TFB1M: variants seen among roughly 807,000 people sequenced by gnomAD.
The protein encoded by TFB1M is transcription factor B1, mitochondrial, also known as dimethyladenosine transferase 1, mitochondrial.
Under a neutral mutation model 31.1 loss-of-function variants are expected in TFB1M, and 27 were observed. That is an observed-to-expected ratio of 0.87 (90% CI 0.64 to 1.20). TFB1M has a LOEUF of 1.20. Ranked by LOEUF, TFB1M falls within the 50% of genes most tolerant of loss-of-function variation. The probability of loss-of-function intolerance (pLI) is 0.00; values close to 1 mark genes in which losing one functional copy is unlikely to be tolerated. For synonymous variants in TFB1M, 166 were observed against 151.8 expected, an observed-to-expected ratio of 1.09 and a Z score of -0.69; for missense variants, 394 against 418.7, an observed-to-expected ratio of 0.94 and a Z score of 0.51.
chr6:155,273,036 A>ATTTCT, intron 5 of TFB1M, among the ~76,000 whole-genome samples: 1 of 152,352 alleles, frequency 6.6e-6, no homozygotes. Context: ...ATGTTCCAGC[A>ATTTCT]ACCCCACACT....
Position 155,297,019 on chromosome 6 carries a change from A to G in TFB1M, c.480T>C (p.Cys160=). Residue 160 remains cysteine, a synonymous_variant, in exon 4 of 7, where the codon TGT becomes TGC. Coordinates refer to ENST00000367166, the MANE Select transcript of TFB1M (RefSeq NM_016020.4). ...TGCCATAAACAAAAGGTCCATCTCT[A>G]CAGGAAATATTTTCAAGCCACTTGA... ...LIIKWLENIS[C]RDGPFVYGRT... 6.2e-7 allele frequency: 1 copy of G among 1,613,944 alleles called. No homozygotes were observed. Among genetic ancestry groups the G allele is most frequent in the South Asian group, 1.1e-5 (1 of 91,070 alleles).
the TFB1M span, chr6:155,250,626 T>A: frequency 6.5e-7 from 1 of 1,535,918 alleles, no homozygotes; most frequent in South Asian, 1.2e-5. Flanking sequence ...CGGACACTGG[T>A]AGAGTTCATC....
chr6:155,276,156 A>G (rs1785197493), intron 5 of TFB1M: 1 of 1,613,986 alleles, frequency 6.2e-7, no homozygotes, highest in African/African-American at 1.3e-5. Flanking sequence ...ATCATAGCAA[A>G]CTTTCTGGAT....
At chr6:155,274,678 T>G (rs528714449) in intron 5 of TFB1M, among the ~76,000 whole-genome samples, 1 of 152,220 alleles carries the variant, frequency 6.6e-6, no homozygotes, top group Admixed American at 6.5e-5. Context: ...AGTCAGGATT[T>G]TGCAAACAGG....
At chr6:155,262,179 T>C (rs1467975963) in intron 5 of TFB1M, among the ~76,000 whole-genome samples, 2 of 151,982 alleles carry the variant, frequency 1.3e-5, no homozygotes, top group Admixed American at 1.3e-4. Context: ...TGTACTGCTA[T>C]AGGGAGAGAA....
At chr6:155,238,443 T>C in the TFB1M span, among the ~76,000 whole-genome samples, 1 of 152,356 alleles carries the variant, frequency 6.6e-6, no homozygotes, top group East Asian at 1.9e-4. Context: ...TTTTCAGTTA[T>C]GTTTTCAGCA....
rs324351 is a variant in TFB1M, at chr6:155,282,586, C to T, written c.666+2572G>A. Among the ~76,000 whole-genome samples the T allele has an allele frequency of 9.8e-4, 149 of 152,248 alleles. 1 individual carries two copies. Among genetic ancestry groups the T allele is most frequent in the Non-Finnish European group, 1.1e-3 (76 of 67,994 alleles). Reference sequence around the variant, plus strand: ...GAATCTGCCCAACCTCTATTTTTAGCGCTTAGCTTATCTTACCTTGTGTTG... The same window carrying T: ...GAATCTGCCCAACCTCTATTTTTAGTGCTTAGCTTATCTTACCTTGTGTTG... On this transcript the variant is annotated intron_variant, in intron 5 of 6. Transcript: ENST00000367166.
intron 5 of TFB1M, among the ~76,000 whole-genome samples, chr6:155,273,545 T>G (rs1288741828): frequency 6.6e-6 from 1 of 152,214 alleles, no homozygotes; most frequent in African/African-American, 2.4e-5. Context: ...TAACATCCTC[T>G]ACAGTCCTTT....
At chr6:155,234,003 T>C in the TFB1M span, among the ~76,000 whole-genome samples, 193 of 147,364 alleles carry the variant, frequency 1.3e-3, no homozygotes, top group African/African-American at 2.3e-3. Flanking sequence ...AAATTTTTTT[T>C]GGGGGGGGGT....
At chr6:155,255,495 C>T (rs376953752), downstream of TFB1M, 3 of 152,156 alleles carry the variant, frequency 2.0e-5, no homozygotes, top group South Asian at 6.2e-4. Context: ...AGATCTACCA[C>T]ATATTTACTA....
chr6:155,240,857 G>A, the TFB1M span: 329 of 794,374 alleles, frequency 4.1e-4, 1 homozygote, highest in Middle Eastern at 1.4e-3. Flanking sequence ...AATTGCTCAA[G>A]GAAGGGAGGG....
chr6:155,276,127 A>G, intron 5 of TFB1M: 2 of 1,614,212 alleles, frequency 1.2e-6, no homozygotes, highest in Non-Finnish European at 1.7e-6. Flanking sequence ...TAATCTCGAC[A>G]GTGTGGTACA....
Position 155,275,883 on chromosome 6 carries a change from C to G in TFB1M, c.666+9275G>C, listed in dbSNP as rs372413050. On this transcript the variant is annotated intron_variant, in intron 5 of 6. Coordinates refer to ENST00000367166, the MANE Select transcript of TFB1M (RefSeq NM_016020.4). ...CTGCACGGGCTCTGGATGGACTGTA[C>G]GTGGTACAGCACTGGGATGTTCAGC... 5.0e-6 allele frequency: 8 copies of G among 1,614,022 alleles called. No homozygotes were observed. The African/African-American group carries it at 1.1e-4, about 22-fold the overall frequency.
At chr6:155,240,833 T>A in the TFB1M span, 1 of 971,850 alleles carries the variant, frequency 1.0e-6, no homozygotes, top group East Asian at 2.6e-5. Flanking sequence ...GGACACCTGC[T>A]CCTTGAATCA....
the TFB1M span, among the ~76,000 whole-genome samples, chr6:155,246,856 A>C: frequency 6.6e-6 from 1 of 152,364 alleles, no homozygotes; most frequent in South Asian, 2.1e-4. Context: ...TTTTGATCTT[A>C]CAACACAATC....
chr6:155,253,325 A>C, downstream of TFB1M: 2 of 421,588 alleles, frequency 4.7e-6, no homozygotes, highest in Admixed American at 3.9e-5. Context: ...CTGCCTTGAT[A>C]CCCTAAAATG....
rs534599167 is a variant in TFB1M, at chr6:155,260,959, T to C, written c.667-559A>G. On this transcript the variant is annotated intron_variant, in intron 5 of 6. Coordinates refer to ENST00000367166, the MANE Select transcript of TFB1M (RefSeq NM_016020.4). ...GCAATTTTAAATGCCCCGAAAGGCA[T>C]AGGCAGGACTGAAATTGAAAATGGA... is the stretch of plus-strand genomic sequence containing the variant. 73 of 172,410 alleles carry C rather than the reference T, an allele frequency of 4.2e-4. 1 individual carries two copies. The highest frequency in any genetic ancestry group is 1.7e-3 in the African/African-American group (70 of 41,852). 10.7% of individuals were successfully genotyped at this position (172,410 alleles called of 1,614,324 possible).
Position 155,257,041 on chromosome 6 carries a change from C to G in TFB1M, c.*795G>C, listed in dbSNP as rs201575258. 195 of 1,614,096 alleles carry G rather than the reference C, an allele frequency of 1.2e-4. 2 individuals are homozygous for G. The South Asian group carries it at 2.0e-3, about 17-fold the overall frequency. ...CATCGACCTAAATTCTGTTCTAGAGCGAGAATTCAGTGTCCAGAGTTTAAC... is the reference window on the plus strand; with the variant it reads ...CATCGACCTAAATTCTGTTCTAGAGGGAGAATTCAGTGTCCAGAGTTTAAC... On this transcript the variant is annotated 3_prime_UTR_variant, in exon 7 of 7. Coordinates refer to ENST00000367166, the MANE Select transcript of TFB1M (RefSeq NM_016020.4).
chr6:155,259,600 A>G (rs568358171), intron 6 of TFB1M, among the ~76,000 whole-genome samples: 16 of 152,386 alleles, frequency 1.0e-4, no homozygotes, highest in African/African-American at 3.4e-4. Flanking sequence ...GAGCCTCTTT[A>G]AACAGCGGAC....
Sources: gnomAD v4.1 joint callset for allele counts (sites outside exome capture counted in the v4.1 genomes callset) on GRCh38, gnomAD v4.1.1 for gene constraint, MANE v1.5 for transcripts, NCBI Gene and HGNC (gene_info 2026-07-23, HGNC 2026-07-21) for gene names.